AQP1: variants seen among roughly 807,000 people sequenced by gnomAD.
AQP1 encodes aquaporin 1 (Colton blood group).
A neutral mutation model predicts 19.7 loss-of-function variants in AQP1; 11 were observed. The observed-to-expected ratio is 0.56, with a 90% CI of 0.35 to 0.92. The LOEUF (loss-of-function observed/expected upper bound fraction) is 0.92. AQP1 is among the 40% of genes least tolerant of loss of function. The pLI is 0.01. For synonymous variants in AQP1, 159 were observed against 166.7 expected (o/e 0.95, Z 0.36); for missense variants, 320 against 369.7 (o/e 0.87, Z 1.10).
intron 1 of AQP1, among the ~76,000 whole-genome samples, chr7:30,914,021 C>T (rs1479839845): frequency 6.6e-6 from 1 of 152,188 alleles, no homozygotes; most frequent in Non-Finnish European, 1.5e-5. Context: ...TCCCATCTCA[C>T]AGGGCGGAGC....
chr7:30,920,426 C>G (rs1045919624), intron 1 of AQP1, among the ~76,000 whole-genome samples: 14 of 152,192 alleles, frequency 9.2e-5, no homozygotes, highest in African/African-American at 3.4e-4. Context: ...GGGCAGGCTT[C>G]TGCCAGCAGC....
Position 30,921,870 on chromosome 7 carries a change from A to G in AQP1, c.385-196A>G, listed in dbSNP as rs575263085. The G allele has an allele frequency of 1.9e-5, 29 of 1,536,130 alleles. No individual in the cohort carries two copies. The African/African-American group carries it at 3.9e-4, about 20-fold the overall frequency. ...GGGGCTGGGCTGGAGTTTCATTAAC[A>G]CAGGGGGTGGGTTCAAGGCCTGATT... On this transcript the variant is annotated intron_variant, in intron 1 of 3. Coordinates refer to ENST00000311813, the MANE Select transcript of AQP1 (RefSeq NM_198098.4).
At position 30,923,360 on chromosome 7, in the gene AQP1, C is replaced by T. The variant is rs1273597203; in HGVS notation, c.631-90C>T. On this transcript the variant is annotated intron_variant, in intron 3 of 3. Coordinates refer to ENST00000311813, the MANE Select transcript of AQP1 (RefSeq NM_198098.4). The surrounding 1 kb of genome is among the most constrained non-coding windows in gnomAD (Gnocchi z 4.8). ...CCATCCCAGGTGGGAAAAACCTGTC[C>T]AACGGGGTGGTGGGCTGTGGGGTAA... 5.6e-6 allele frequency: 9 copies of T among 1,596,372 alleles called. No individual in the cohort carries two copies. The highest frequency in any genetic ancestry group is 6.8e-6 in the Non-Finnish European group (8 of 1,171,556).
rs763849746 is a variant in AQP1, at chr7:30,924,016, T to C, written c.*387T>C. Reference sequence around the variant, plus strand: ...GCCTGGGATTCTACCGTAATTGCTTTGTGCCTTTGGGCACGGCCCTCCTTC... The same window carrying C: ...GCCTGGGATTCTACCGTAATTGCTTCGTGCCTTTGGGCACGGCCCTCCTTC... On this transcript the variant is annotated 3_prime_UTR_variant, in exon 4 of 4. Transcript: ENST00000311813. 3 of 1,339,754 alleles carry C rather than the reference T, an allele frequency of 2.2e-6. No individual in the cohort carries two copies. In the East Asian group the frequency reaches 1.3e-4, roughly 59 times the overall value. The allele number at this position is 1,339,754 out of a possible 1,614,324, so 83.0% of individuals were successfully genotyped here. A position where few individuals can be genotyped will look rare whatever the true frequency, so the allele number is the denominator to read the frequency against.
intron 1 of AQP1, among the ~76,000 whole-genome samples, chr7:30,914,291 G>A (rs1791255228): frequency 6.6e-6 from 1 of 152,214 alleles, no homozygotes; most frequent in Non-Finnish European, 1.5e-5. Context: ...CGTGTCCACT[G>A]CTAACTTGTT....
chr7:30,914,965 G>T (rs1261278152), intron 1 of AQP1, among the ~76,000 whole-genome samples: 1 of 152,162 alleles, frequency 6.6e-6, no homozygotes, highest in African/African-American at 2.4e-5. Flanking sequence ...TTGGCTAAGG[G>T]TGAGAGGCTC....
rs2128588098 is a variant in AQP1, at chr7:30,912,729, G to A, written c.384+436G>A. Among the ~76,000 whole-genome samples the A allele has an allele frequency of 6.6e-6, 1 of 152,306 alleles. No individual in the cohort carries two copies. Among genetic ancestry groups the A allele is most frequent in the East Asian group, 1.9e-4 (1 of 5,170 alleles). On this transcript the variant is annotated intron_variant, in intron 1 of 3. Transcript: ENST00000311813. This position sits in a 1 kb window ranked among gnomAD's most constrained non-coding sequence, Gnocchi z 4.3. The stretch of plus-strand genomic sequence containing the variant: ...CAAATGCCCAGCCTGTCTGCAGCTG[G>A]CTCTGCAAGTGTGTGAGCAGGACTC...
Position 30,911,917 on chromosome 7 carries a change from G to GC in AQP1, c.9dup (p.Glu4ArgfsTer125), listed in dbSNP as rs1464116956. The stretch of plus-strand genomic sequence containing the variant: ...GCCAAGCCCCCTGCCAGCATGGCCA[G>GC]CGAGTTCAAGAAGAAGCTCTTCTGG... On this transcript the variant is annotated frameshift_variant, in exon 1 of 4. Coordinates refer to ENST00000311813, the MANE Select transcript of AQP1 (RefSeq NM_198098.4). LOFTEE classifies it high-confidence loss of function. 6 of 1,613,214 alleles carry GC rather than the reference G, an allele frequency of 3.7e-6. No individual in the cohort carries two copies. Among genetic ancestry groups the GC allele is most frequent in the Non-Finnish European group, 5.1e-6 (6 of 1,180,022 alleles).
rs1034271929 is a variant in AQP1 at position 30,925,188 on chromosome 7, C to T, written c.*1559C>T. 6.6e-6 allele frequency: 1 copy of T among 152,260 alleles called. No homozygotes were observed. The highest frequency in any genetic ancestry group is 2.4e-5 in the African/African-American group (1 of 41,464). 9.4% of individuals were successfully genotyped at this position (152,260 alleles called of 1,614,324 possible). A position where few individuals can be genotyped will look rare whatever the true frequency, so the allele number is the denominator to read the frequency against. ...CATTCCCTAGCAGGAACTTCTAGCTCATTTAACAGATAAAGAAACTGAGGC... is the reference window on the plus strand; with the variant it reads ...CATTCCCTAGCAGGAACTTCTAGCTTATTTAACAGATAAAGAAACTGAGGC... On this transcript the variant is annotated 3_prime_UTR_variant, in exon 4 of 4. Coordinates refer to ENST00000311813, the MANE Select transcript of AQP1 (RefSeq NM_198098.4).
In AQP1 at chr7:30,924,188, C is replaced by T. The variant is rs1224328135; in HGVS notation, c.*559C>T. 6 of 1,096,404 alleles carry T rather than the reference C, an allele frequency of 5.5e-6. No individual in the cohort carries two copies. Among genetic ancestry groups the T allele is most frequent in the Non-Finnish European group, 6.9e-6 (6 of 870,676 alleles). The allele number at this position is 1,096,404 out of a possible 1,614,324, so 67.9% of individuals were successfully genotyped here. A position where few individuals can be genotyped will look rare whatever the true frequency, so the allele number is the denominator to read the frequency against. On this transcript the variant is annotated 3_prime_UTR_variant, in exon 4 of 4. Transcript: ENST00000311813. ...CGGACTTACTGCCTGACCTTGGAAT[C>T]GTCCCTATATCAGGGCCTGAGTGAC... is the stretch of plus-strand genomic sequence containing the variant.
intron 1 of AQP1, among the ~76,000 whole-genome samples, chr7:30,913,928 C>T (rs1253994382): frequency 6.6e-6 from 1 of 152,150 alleles, no homozygotes; most frequent in African/African-American, 2.4e-5. Flanking sequence ...CACACTGAAG[C>T]TTGGCTGGGT....
chr7:30,914,857 TC>T (rs1791271559), intron 1 of AQP1, among the ~76,000 whole-genome samples: 1 of 152,234 alleles, frequency 6.6e-6, no homozygotes, highest in African/African-American at 2.4e-5. Context: ...GACAACTTTC[TC>T]CTGACTGACT....
Position 30,912,177 on chromosome 7 carries a change from A to G in AQP1, c.268A>G (p.Ser90Gly), listed in dbSNP as rs957051800. ...GGGGCTGCTGCTCAGCTGCCAGATC[A>G]GCATCTTCCGTGCCCTCATGTACAT... ...TLGLLLSCQI[S>G]IFRALMYIIA... The change falls in exon 1 of 4, where the codon AGC (serine) becomes GGC (glycine). Residue 90 changes from serine (S) to glycine (G), a missense_variant. Transcript: ENST00000311813. This position sits in a 1 kb window ranked among gnomAD's most constrained non-coding sequence, Gnocchi z 4.3. 2 of 1,612,824 alleles carry G rather than the reference A, an allele frequency of 1.2e-6. No individual in the cohort carries two copies. Among genetic ancestry groups the G allele is most frequent in the Admixed American group, 1.7e-5 (1 of 60,032 alleles).
chr7:30,916,883 C>A (rs1182549517), intron 1 of AQP1, among the ~76,000 whole-genome samples: 1 of 151,834 alleles, frequency 6.6e-6, no homozygotes, highest in Non-Finnish European at 1.5e-5. Context: ...GAGGAGGCTG[C>A]TTTGGGGGTG....
At chr7:30,921,508 G>A in intron 1 of AQP1, 1 of 1,503,314 alleles carries the variant, frequency 6.7e-7, no homozygotes, top group Non-Finnish European at 8.9e-7. Flanking sequence ...GGAGACAATA[G>A]GGAGGCAGGC....
At chr7:30,921,935 T>C in intron 1 of AQP1, 131 bp from the exon 2 acceptor site, 2 of 1,555,736 alleles carry the variant, frequency 1.3e-6, no homozygotes, top group Non-Finnish European at 1.7e-6. Context: ...GACCCTGTGA[T>C]GGGCTCTGAA....
chr7:30,924,177 G>A lies in AQP1; in HGVS notation c.*548G>A. 1.8e-6 allele frequency: 2 copies of A among 1,137,210 alleles called. No homozygotes were observed. Among genetic ancestry groups the A allele is most frequent in the Admixed American group, 3.8e-5 (1 of 26,226 alleles). 70.4% of individuals were successfully genotyped at this position (1,137,210 alleles called of 1,614,324 possible). ...CCTGACCCGCTCGGACTTACTGCCT[G>A]ACCTTGGAATCGTCCCTATATCAGG... On this transcript the variant is annotated 3_prime_UTR_variant, in exon 4 of 4. Transcript: ENST00000311813.
rs1209806195 is a variant in AQP1, at chr7:30,912,437, G to C, written c.384+144G>C. On this transcript the variant is annotated intron_variant, in intron 1 of 3. Coordinates refer to ENST00000311813, the MANE Select transcript of AQP1 (RefSeq NM_198098.4). The surrounding 1 kb of genome is among the most constrained non-coding windows in gnomAD (Gnocchi z 4.3). ...TGGAGGTCACGTAGAGAGCTGGGGGGAAGAGCTGGGGCTGGAACTCAGCTA... is the reference window on the plus strand; with the variant it reads ...TGGAGGTCACGTAGAGAGCTGGGGGCAAGAGCTGGGGCTGGAACTCAGCTA... 7.9e-7 allele frequency: 1 copy of C among 1,261,324 alleles called. No individual in the cohort carries two copies. The highest frequency in any genetic ancestry group is 1.5e-5 in the African/African-American group (1 of 66,954). The allele number at this position is 1,261,324 out of a possible 1,614,324, so 78.1% of individuals were successfully genotyped here. A position where few individuals can be genotyped will look rare whatever the true frequency, so the allele number is the denominator to read the frequency against.
chr7:30,913,071 G>A (rs1443319374), intron 1 of AQP1, among the ~76,000 whole-genome samples: 1 of 152,116 alleles, frequency 6.6e-6, no homozygotes, highest in Non-Finnish European at 1.5e-5. Flanking sequence ...CTGTGTGCAT[G>A]TTTGTGCTGC....
Sources: allele counts gnomAD v4.1 joint callset (sites outside exome capture counted in the v4.1 genomes callset), GRCh38; gene constraint gnomAD v4.1.1; non-coding constraint Gnocchi (gnomAD v3.1); transcripts MANE v1.5; gene names NCBI Gene and HGNC (gene_info 2026-07-23, HGNC 2026-07-21).